TAC3: variants seen among roughly 807,000 people sequenced by gnomAD.
TAC3 encodes tachykinin precursor 3, also known as tachykinin-3.
In TAC3, 9 loss-of-function variants were observed where a neutral mutation model predicts 16.5. That is an observed-to-expected ratio of 0.55 (90% CI 0.33 to 0.95). TAC3 has a LOEUF of 0.95. TAC3 is among the 40% of genes least tolerant of loss of function. The probability of loss-of-function intolerance (pLI) is 0.03; values close to 1 mark genes in which losing one functional copy is unlikely to be tolerated. For missense variants in TAC3, 129 were observed against 149.1 expected (o/e 0.87, Z 0.70); for synonymous variants, 52 against 56.7 (o/e 0.92, Z 0.37).
Position 57,013,354 on chromosome 12 carries a change from C to T in TAC3, c.238+5G>A. 1 of 1,614,020 alleles carries T rather than the reference C, an allele frequency of 6.2e-7. No individual in the cohort carries two copies. The highest frequency in any genetic ancestry group is 8.5e-7 in the Non-Finnish European group (1 of 1,179,916). ...AGAGATAGGGAGGGAGAAGAGGGTA[C>T]TTACGTTTCTCGGGAGATGTTGATT... On this transcript the variant is annotated splice_donor_5th_base_variant and intron_variant, in intron 4 of 6. Coordinates refer to ENST00000458521, the MANE Select transcript of TAC3 (RefSeq NM_013251.4).
At position 57,010,103 on chromosome 12, in the gene TAC3, TG is replaced by T; in HGVS notation, c.*186del. 1 of 454,024 alleles carries T rather than the reference TG, an allele frequency of 2.2e-6. No individual in the cohort carries two copies. The highest frequency in any genetic ancestry group is 4.4e-6 in the Non-Finnish European group (1 of 226,768). The allele number at this position is 454,024 out of a possible 1,614,324, so 28.1% of individuals were successfully genotyped here. A position where few individuals can be genotyped will look rare whatever the true frequency, so the allele number is the denominator to read the frequency against. ...AGGGTATTCTACAGTCAATGCCCAT[TG>T]GGGTTGGGGATATTCACTATGCAGT... On this transcript the variant is annotated 3_prime_UTR_variant, in exon 7 of 7. Coordinates refer to ENST00000458521, the MANE Select transcript of TAC3 (RefSeq NM_013251.4).
rs1956281874 is a variant in TAC3, at chr12:57,010,308, CAAAACAAAAA to C, written c.*2-30_*2-21del. ...GGAGTACTGAGGACAAAAAACAAAA[CAAAACAAAAA>C]AAAACACTGAAATCACATCTTATAT... On this transcript the variant is annotated intron_variant, in intron 6 of 6. Transcript: ENST00000458521. 2.6e-6 allele frequency: 1 copy of C among 386,680 alleles called. No individual in the cohort carries two copies. The highest frequency in any genetic ancestry group is 2.1e-5 in the African/African-American group (1 of 46,762). 24.0% of individuals were successfully genotyped at this position (386,680 alleles called of 1,614,324 possible).
chr12:57,013,445 C>T (rs1044531428), intron 3 of TAC3, 57 bp from the exon 4 acceptor site: 22 of 1,608,348 alleles, frequency 1.4e-5, no homozygotes, highest in East Asian at 2.2e-5. Flanking sequence ...GTGATGAGAG[C>T]GGGGTTCAGA....
intron 5 of TAC3, 140 bp from the exon 6 acceptor site, chr12:57,012,592 A>G: frequency 6.2e-7 from 1 of 1,607,530 alleles, no homozygotes; most frequent in Non-Finnish European, 8.5e-7. Flanking sequence ...GAGTCTCCCT[A>G]TCCTTCCTCC....
At position 57,013,599 on chromosome 12, in the gene TAC3, C is replaced by A. The variant is rs773378963; in HGVS notation, c.187G>T (p.Ala63Ser). The A allele has an allele frequency of 6.2e-7, 1 of 1,613,512 alleles. No individual in the cohort carries two copies. The highest frequency in any genetic ancestry group is 1.3e-5 in the African/African-American group (1 of 74,904). The change falls in exon 3 of 7, where the codon GCC becomes TCC. Residue 63 changes from alanine to serine, a missense_variant. Transcript: ENST00000458521. Reference protein sequence around the residue: ...SHSSLEGLLKALSQASTDPKE... With the variant: ...SHSSLEGLLKSLSQASTDPKE... ...CTACCTGTGCTAGCCTGGCTCAGGG[C>A]TTTGAGCAATCCCTCCAGAGATGAG...
At chr12:57,012,485 A>C (rs371679464) in intron 5 of TAC3, 33 bp from the exon 6 acceptor site, 3 of 1,612,650 alleles carry the variant, frequency 1.9e-6, no homozygotes, top group Non-Finnish European at 2.5e-6. Context: ...AGTAAGAGGG[A>C]TCTTTCTGAA....
intron 1 of TAC3, 31 bp downstream of exon 1, chr12:57,016,356 T>C (rs1956374861): frequency 2.3e-6 from 1 of 426,398 alleles, no homozygotes; most frequent in Non-Finnish European, 4.8e-6. Context: ...GTGCCAGCTC[T>C]GGTCCATCCA....
chr12:57,015,994 C>A (rs1266420307), intron 1 of TAC3, among the ~76,000 whole-genome samples, 192 bp from the exon 2 acceptor site: 1 of 152,176 alleles, frequency 6.6e-6, no homozygotes, highest in Non-Finnish European at 1.5e-5. Context: ...AGCCCTTGGG[C>A]TTAGTTTCCC....
intron 5 of TAC3, 120 bp downstream of exon 5, chr12:57,012,702 C>A (rs1956318350): frequency 6.2e-7 from 1 of 1,613,174 alleles, no homozygotes; most frequent in Non-Finnish European, 8.5e-7. Context: ...GGCCGAGGAA[C>A]CCTCACTGAA....
chr12:57,013,495 T>C, intron 3 of TAC3, 83 bp downstream of exon 3: 1 of 1,591,940 alleles, frequency 6.3e-7, no homozygotes, highest in African/African-American at 1.3e-5. Context: ...CCCCCATCTC[T>C]CTCCCATCTG....
In TAC3 at chr12:57,013,608, A is replaced by G. The variant is rs1319780764; in HGVS notation, c.178T>C (p.Leu60=). The G allele has an allele frequency of 6.2e-7, 1 of 1,613,552 alleles. No individual in the cohort carries two copies. Among genetic ancestry groups the G allele is most frequent in the African/African-American group, 1.3e-5 (1 of 74,866 alleles). The change falls in exon 3 of 7, where the codon TTG becomes CTG. Residue 60 remains leucine, a synonymous_variant. Transcript: ENST00000458521. ...LFKSHSSLEG[L]LKALSQASTD... is the part of the protein sequence containing the mutation. ...CTAGCCTGGCTCAGGGCTTTGAGCA[A>G]TCCCTCCAGAGATGAGTGGCTTTTG...
At chr12:57,012,341 C>A in intron 6 of TAC3, 37 bp downstream of exon 6, 1 of 1,579,708 alleles carries the variant, frequency 6.3e-7, no homozygotes, top group South Asian at 1.1e-5. Context: ...AGCCCCCTCC[C>A]CAGTCCCCTC....
At chr12:57,016,300 G>A (rs889413838) in intron 1 of TAC3, 87 bp downstream of exon 1, 5 of 365,460 alleles carry the variant, frequency 1.4e-5, no homozygotes, top group African/African-American at 4.2e-5. Context: ...CCTATCAGAG[G>A]CTGCCATCTG....
chr12:57,013,446 G>A (rs182126589), intron 3 of TAC3, 58 bp from the exon 4 acceptor site: 7 of 1,606,206 alleles, frequency 4.4e-6, no homozygotes, highest in African/African-American at 1.3e-5. Context: ...TGATGAGAGC[G>A]GGGTTCAGAT....
rs1956363864 is a variant in TAC3 at position 57,015,756 on chromosome 12, G to A, written c.42C>T (p.Ser14=). 6.2e-7 allele frequency: 1 copy of A among 1,614,074 alleles called. No individual in the cohort carries two copies. Among genetic ancestry groups the A allele is most frequent in the African/African-American group, 1.3e-5 (1 of 74,946 alleles). ...AGACAGCCCCAAAGCTCTGAGCTAG[G>A]CTGAAGGCCAGGATGGCTGTGAATA... ...MLLFTAILAF[S]LAQSFGAVCK... The change falls in exon 2 of 7, where the codon AGC becomes AGT. Residue 14 remains serine, a synonymous_variant. Coordinates refer to ENST00000458521, the MANE Select transcript of TAC3 (RefSeq NM_013251.4).
chr12:57,013,128 C>T, intron 4 of TAC3: 1 of 719,504 alleles, frequency 1.4e-6, no homozygotes, highest in Non-Finnish European at 2.4e-6. Context: ...AAGAGATCCC[C>T]TTGTTTTCCA....
intron 5 of TAC3, 50 bp downstream of exon 5, chr12:57,012,772 T>C (rs746304455): frequency 6.2e-7 from 1 of 1,614,062 alleles, no homozygotes; most frequent in Non-Finnish European, 8.5e-7. Context: ...ACTTCTGTCA[T>C]ACTCTGCCAG....
intron 2 of TAC3, among the ~76,000 whole-genome samples, chr12:57,015,284 G>A (rs1295495664): frequency 2.0e-5 from 3 of 152,214 alleles, no homozygotes; most frequent in South Asian, 2.1e-4. Flanking sequence ...TAACCATTTG[G>A]GAAAGAAATT....
rs73334764 is a variant in TAC3 at position 57,012,450 on chromosome 12, A to G, written c.295T>C (p.Ser99Pro). The G allele has an allele frequency of 4.6e-3, 7,444 of 1,613,774 alleles. 316 individuals carry two copies. The African/African-American group carries it at 0.086, about 19-fold the overall frequency. ...TTCTCTTGATTCACATCCGTAGGAG[A>G]GTCTAGGGTAAAGCGAACAGTGTAA... ...LMGKRSVQPD[S>P]PTDVNQENVP... The change falls in exon 6 of 7, where the codon TCT becomes CCT. Residue 99 changes from serine to proline, a missense_variant and splice_region_variant. By Grantham distance (74) the Ser-to-Pro change is moderately conservative. Coordinates refer to ENST00000458521, the MANE Select transcript of TAC3 (RefSeq NM_013251.4).
Sources: gnomAD v4.1 joint callset for allele counts (sites outside exome capture counted in the v4.1 genomes callset) on GRCh38, gnomAD v4.1.1 for gene constraint, MANE v1.5 for transcripts, NCBI Gene and HGNC (gene_info 2026-07-23, HGNC 2026-07-21) for gene names.